Variants in RYR3 observed in about 807,000 individuals in gnomAD.
The protein encoded by RYR3 is brain ryanodine receptor-calcium release channel.
A neutral mutation model predicts 584.3 loss-of-function variants in RYR3; 207 were observed. The observed-to-expected ratio is 0.35, with a 90% CI of 0.32 to 0.40. The LOEUF is 0.40. RYR3 is among the 10% of genes least tolerant of loss of function. The pLI is 1.00. For missense variants in RYR3, 5,616 were observed against 6,089.2 expected, an observed-to-expected ratio of 0.92 and a Z score of 2.59; for synonymous variants, 2,416 against 2,248.5, an observed-to-expected ratio of 1.07 and a Z score of -2.11.
intron 2 of RYR3, among the ~76,000 whole-genome samples, chr15:33,484,608 A>T (rs1567341563): frequency 6.9e-6 from 1 of 144,048 alleles, no homozygotes; most frequent in Non-Finnish European, 1.6e-5. Flanking sequence ...ATAGGCTTGG[A>T]TTACATTGAA....
rs2078185766 is a variant in RYR3, at chr15:33,838,747, T to C, written c.12767T>C (p.Met4256Thr). 12 of 1,613,924 alleles carry C rather than the reference T, an allele frequency of 7.4e-6. No homozygotes were observed. In the South Asian group the frequency reaches 1.2e-4, roughly 16 times the overall value. Reference sequence around the variant, plus strand: ...ATGGAGGCTGAGAGGGCAGAGGTGATGGAGCCAGGTATCACCACTGAACTA... The same window carrying C: ...ATGGAGGCTGAGAGGGCAGAGGTGACGGAGCCAGGTATCACCACTGAACTA... The part of the protein sequence containing the change: ...DTMEAERAEV[M>T]EPGITTELVH... Residue 4256 changes from methionine (M) to threonine (T), a missense_variant, in exon 89 of 104, where the codon ATG becomes ACG. Met to Thr is a moderately conservative substitution (Grantham distance 81). Transcript: ENST00000634891.
intron 63 of RYR3, 127 bp downstream of exon 63, chr15:33,772,285 C>A: frequency 5.1e-6 from 3 of 585,874 alleles, no homozygotes; most frequent in Non-Finnish European, 9.1e-6. Context: ...CCTTTTCTTT[C>A]TTAGATTAAA....
At chr15:33,358,597 C>G (rs1974309951) in intron 1 of RYR3, among the ~76,000 whole-genome samples, 1 of 138,228 alleles carries the variant, frequency 7.2e-6, no homozygotes. Context: ...CCCTGCCCCA[C>G]AAAAGATTTG....
At chr15:33,634,490 A>T (rs2061412633) in intron 24 of RYR3, 96 bp from the exon 25 acceptor site, 2 of 1,312,464 alleles carry the variant, frequency 1.5e-6, no homozygotes, top group African/African-American at 1.5e-5. Flanking sequence ...TAGAGCGACC[A>T]GAAAGCCAGG....
Position 33,739,954 on chromosome 15 carries a change from T to C in RYR3, c.7779T>C (p.Asp2593=). The C allele has an allele frequency of 6.2e-7, 1 of 1,613,928 alleles. No homozygotes were observed. Among genetic ancestry groups the C allele is most frequent in the Non-Finnish European group, 8.5e-7 (1 of 1,179,866 alleles). ...CGTTGGAGAAACAGATCTCAGTGGA[T>C]GCGGATGGCAACTTTGACCCAAAAC... is the stretch of plus-strand genomic sequence containing the variant. ...TATLEKQISV[D]ADGNFDPKPI... is the part of the protein sequence containing the mutation. The change falls in exon 51 of 104, where the codon GAT becomes GAC. Residue 2593 remains aspartate, a synonymous_variant. Coordinates refer to ENST00000634891, the MANE Select transcript of RYR3 (RefSeq NM_001036.6).
chr15:33,581,369 C>A, intron 13 of RYR3, 139 bp from the exon 14 acceptor site: 1 of 830,822 alleles, frequency 1.2e-6, no homozygotes, highest in Non-Finnish European at 1.9e-6. Context: ...AAAAACAAAC[C>A]CAACTGGCAC....
intron 10 of RYR3, among the ~76,000 whole-genome samples, chr15:33,554,879 C>T (rs2056963244): frequency 6.6e-6 from 1 of 152,114 alleles, no homozygotes; most frequent in South Asian, 2.1e-4. Flanking sequence ...GAATTTTTTT[C>T]AGGGAAGGGT....
At chr15:33,450,323 CTGAT>C (rs2047016769) in intron 1 of RYR3, among the ~76,000 whole-genome samples, 2 of 152,064 alleles carry the variant, frequency 1.3e-5, no homozygotes, top group Admixed American at 6.5e-5. Flanking sequence ...AAACAAGACT[CTGAT>C]TGTGAGTTTA....
intron 44 of RYR3, among the ~76,000 whole-genome samples, chr15:33,723,829 G>A (rs925421720): frequency 2.6e-5 from 4 of 152,188 alleles, no homozygotes; most frequent in African/African-American, 9.7e-5. Context: ...AGCTCATGTC[G>A]GTACTCATGC....
chr15:33,600,531 G>A (rs1202559354), intron 16 of RYR3, among the ~76,000 whole-genome samples: 1 of 152,018 alleles, frequency 6.6e-6, no homozygotes, highest in Non-Finnish European at 1.5e-5. Flanking sequence ...GAGGAGAGGT[G>A]AGCGTGCAGG....
At chr15:33,374,308 A>G (rs1335273961) in intron 1 of RYR3, among the ~76,000 whole-genome samples, 2 of 151,956 alleles carry the variant, frequency 1.3e-5, no homozygotes, top group East Asian at 3.9e-4. Context: ...TGTAGCCTCC[A>G]TAGTATCCTT....
Position 33,539,477 on chromosome 15 carries a change from A to G in RYR3, c.546+15A>G, listed in dbSNP as rs1277335042. On this transcript the variant is annotated intron_variant, in intron 6 of 103. Transcript: ENST00000634891. ...AAAGATACCTTGTAAGTACCTCATA[A>G]TATAAGAGTCTTCTGTTTTCAGAAA... 1.3e-6 allele frequency: 2 copies of G among 1,483,848 alleles called. No individual in the cohort carries two copies. The highest frequency in any genetic ancestry group is 1.9e-5 in the Admixed American group (1 of 53,704). The allele number at this position is 1,483,848 out of a possible 1,614,324, so 91.9% of individuals were successfully genotyped here. A position where few individuals can be genotyped will look rare whatever the true frequency, so the allele number is the denominator to read the frequency against.
At chr15:33,319,949 T>G (rs1206588368) in intron 1 of RYR3, among the ~76,000 whole-genome samples, 1 of 152,128 alleles carries the variant, frequency 6.6e-6, no homozygotes, top group Non-Finnish European at 1.5e-5. Context: ...ATCTAAACAC[T>G]TTGGGGTCAA....
chr15:33,372,333 A>G (rs1200207678), intron 1 of RYR3, among the ~76,000 whole-genome samples: 1 of 150,538 alleles, frequency 6.6e-6, no homozygotes, highest in Admixed American at 6.6e-5. Context: ...CTGGGACTCA[A>G]GATGCACTCT....
At chr15:33,711,282 C>T (rs112377632) in intron 43 of RYR3, among the ~76,000 whole-genome samples, 2,752 of 134,686 alleles carry the variant, frequency 0.02, 110 homozygotes, top group African/African-American at 0.077. Flanking sequence ...CTCGTTCTGT[C>T]GCCCAGGCTG....
chr15:33,523,018 G>T (rs764276011), intron 3 of RYR3, among the ~76,000 whole-genome samples: 1 of 152,168 alleles, frequency 6.6e-6, no homozygotes, highest in Admixed American at 6.5e-5. Context: ...GTGTTGTCTA[G>T]CCCTATTGAG....
chr15:33,567,523 C>T (rs1357893845), intron 12 of RYR3, among the ~76,000 whole-genome samples: 2 of 152,018 alleles, frequency 1.3e-5, no homozygotes, highest in African/African-American at 4.8e-5. Flanking sequence ...GGACTGCAGT[C>T]CAAGGGATGT....
intron 1 of RYR3, among the ~76,000 whole-genome samples, chr15:33,467,977 G>A (rs2048619209): frequency 6.6e-6 from 1 of 152,058 alleles, no homozygotes; most frequent in Non-Finnish European, 1.5e-5. Context: ...CATCACCATG[G>A]GCTTTAGAAT....
chr15:33,775,637 C>T (rs941777668), intron 64 of RYR3, among the ~76,000 whole-genome samples: 13 of 152,168 alleles, frequency 8.5e-5, no homozygotes, highest in Admixed American at 3.9e-4. Context: ...GGCCACAAAA[C>T]GGGCTACTTC....
Sources: allele counts gnomAD v4.1 joint callset (sites outside exome capture counted in the v4.1 genomes callset), GRCh38; gene constraint gnomAD v4.1.1; transcripts MANE v1.5; gene names NCBI Gene and HGNC (gene_info 2026-07-23, HGNC 2026-07-21).